Variants in PRKCI observed in about 807,000 individuals in gnomAD.
The protein encoded by PRKCI is protein kinase C iota type.
A neutral mutation model predicts 84.0 loss-of-function variants in PRKCI; 43 were observed. The observed-to-expected ratio is 0.51, with a 90% CI of 0.40 to 0.66. The LOEUF is 0.66. PRKCI is among the 30% of genes least tolerant of loss of function. The pLI is 0.00. For missense variants in PRKCI, 459 were observed against 745.6 expected, an observed-to-expected ratio of 0.62 and a Z score of 4.48; for synonymous variants, 216 against 234.4, an observed-to-expected ratio of 0.92 and a Z score of 0.72.
intron 2 of PRKCI, among the ~76,000 whole-genome samples, chr3:170,256,337 T>C (rs576558382): frequency 2.0e-5 from 3 of 152,216 alleles, no homozygotes; most frequent in Admixed American, 2.0e-4. Flanking sequence ...TATTATGGCT[T>C]CGATCTCATT....
chr3:170,293,325 TACTA>T, intron 13 of PRKCI, 54 bp from the exon 14 acceptor site: 1 of 1,494,412 alleles, frequency 6.7e-7, no homozygotes, highest in Non-Finnish European at 9.1e-7. Context: ...AATTTCCAGT[TACTA>T]ACTTTCAAGA....
intron 9 of PRKCI, 40 bp downstream of exon 9, chr3:170,280,443 A>G (rs775417114): frequency 6.6e-7 from 1 of 1,517,218 alleles, no homozygotes; most frequent in Non-Finnish European, 8.9e-7. Context: ...ACTGCTTGAG[A>G]ATACTATTCT....
intron 11 of PRKCI, among the ~76,000 whole-genome samples, chr3:170,283,029 C>T (rs574410055): frequency 6.6e-5 from 10 of 150,740 alleles, no homozygotes; most frequent in South Asian, 6.3e-4. Flanking sequence ...CGCTTGAGCC[C>T]GGGAGGCGGA....
chr3:170,229,780 TAAC>T lies in PRKCI; in HGVS notation c.102-5445_102-5443del, dbSNP rs1185413677. On this transcript the variant is annotated intron_variant, in intron 1 of 17. Transcript: ENST00000295797. ...CCCAAAAGAGCTTAATTTACATTCT[TAAC>T]AACAGGACTAGTGAAGCTTCTGCCT... 2.0e-5 allele frequency among the ~76,000 whole-genome samples: 3 copies of T among 152,228 alleles called. No individual in the cohort carries two copies. In the East Asian group the frequency reaches 5.8e-4, roughly 29 times the overall value.
intron 2 of PRKCI, among the ~76,000 whole-genome samples, chr3:170,253,268 G>C (rs1733498528): frequency 6.6e-6 from 1 of 152,138 alleles, no homozygotes; most frequent in South Asian, 2.1e-4. Flanking sequence ...TCTCTATACT[G>C]TTCTCCATAG....
rs1734911432 is a variant in PRKCI at position 170,304,633 on chromosome 3, A to G, written c.*1506A>G. On this transcript the variant is annotated 3_prime_UTR_variant, in exon 18 of 18. Coordinates refer to ENST00000295797, the MANE Select transcript of PRKCI (RefSeq NM_002740.6). ...TTATTAACTAGATAACACATGTAAT[A>G]CATAGTAGAATACATTTCAGAGGCA... 6.6e-6 allele frequency: 1 copy of G among 152,178 alleles called. No individual in the cohort carries two copies. The highest frequency in any genetic ancestry group is 1.5e-5 in the Non-Finnish European group (1 of 68,012). The allele number at this position is 152,178 out of a possible 1,614,324, so 9.4% of individuals were successfully genotyped here.
In PRKCI at chr3:170,238,784, G is replaced by A. The variant is rs1733047236; in HGVS notation, c.223+3433G>A. ...TTTTTGTATTTTTAGTAGAGACGGGGTTTCACCATGTTGGCCAGGCTGGTC... is the reference window on the plus strand; with the variant it reads ...TTTTTGTATTTTTAGTAGAGACGGGATTTCACCATGTTGGCCAGGCTGGTC... On this transcript the variant is annotated intron_variant, in intron 2 of 17. Transcript: ENST00000295797. Among the ~76,000 whole-genome samples, 4 of 152,014 alleles carry A rather than the reference G, an allele frequency of 2.6e-5. No homozygotes were observed. In the South Asian group the frequency reaches 8.3e-4, roughly 32 times the overall value.
At chr3:170,242,674 G>T (rs955582241) in intron 2 of PRKCI, among the ~76,000 whole-genome samples, 8 of 151,352 alleles carry the variant, frequency 5.3e-5, no homozygotes, top group African/African-American at 1.9e-4. Flanking sequence ...TTTTGTTTTT[G>T]TTTTGTTTTG....
intron 12 of PRKCI, among the ~76,000 whole-genome samples, chr3:170,284,929 T>G (rs1734335577): frequency 6.6e-6 from 1 of 152,304 alleles, no homozygotes; most frequent in East Asian, 1.9e-4. Context: ...ACCTTCCAAT[T>G]TTTGCCATTT....
intron 1 of PRKCI, among the ~76,000 whole-genome samples, chr3:170,233,762 C>T (rs1175069628): frequency 6.6e-6 from 1 of 152,032 alleles, no homozygotes; most frequent in Non-Finnish European, 1.5e-5. Flanking sequence ...ACTTTATCAT[C>T]CAGGCTGGAG....
In PRKCI at chr3:170,292,611, G is replaced by A. The variant is rs530099733; in HGVS notation, c.1291+670G>A. Among the ~76,000 whole-genome samples, 104 of 152,006 alleles carry A rather than the reference G, an allele frequency of 6.8e-4. 3 individuals carry two copies. In the South Asian group the frequency reaches 0.021, roughly 31 times the overall value. On this transcript the variant is annotated intron_variant, in intron 13 of 17. Coordinates refer to ENST00000295797, the MANE Select transcript of PRKCI (RefSeq NM_002740.6). ...GCAAAAGATCAAGTTTAAGACCAAG[G>A]AGGCAGGAGAATGGCGTGAACCCGG...
chr3:170,255,262 GT>G (rs1338404135), intron 2 of PRKCI, among the ~76,000 whole-genome samples: 1 of 151,848 alleles, frequency 6.6e-6, no homozygotes, highest in African/African-American at 2.4e-5. Flanking sequence ...GTTTCTCCAT[GT>G]TAGTCAGGCT....
rs1849046 is a variant in PRKCI at position 170,305,283 on chromosome 3, G to A, written c.*2156G>A. On this transcript the variant is annotated 3_prime_UTR_variant, in exon 18 of 18. Coordinates refer to ENST00000295797, the MANE Select transcript of PRKCI (RefSeq NM_002740.6). ...ACCTTAGACTTCTTTTGGGGCCTTC[G>A]ACCTCACTTTGAGAAATACCTTCTT... 4 of 152,550 alleles carry A rather than the reference G, an allele frequency of 2.6e-5. No individual in the cohort carries two copies. Among genetic ancestry groups the A allele is most frequent in the African/African-American group, 7.2e-5 (3 of 41,420 alleles). The allele number at this position is 152,550 out of a possible 1,614,324, so 9.4% of individuals were successfully genotyped here.
chr3:170,277,708 AAG>A (rs1734152383), intron 8 of PRKCI, among the ~76,000 whole-genome samples: 1 of 152,020 alleles, frequency 6.6e-6, no homozygotes, highest in Non-Finnish European at 1.5e-5. Context: ...AAAAAAAAAA[AAG>A]AAAATTACAA....
intron 11 of PRKCI, among the ~76,000 whole-genome samples, chr3:170,282,547 A>G (rs1734273349): frequency 6.6e-6 from 1 of 151,376 alleles, no homozygotes; most frequent in Non-Finnish European, 1.5e-5. Flanking sequence ...AAATACAAAA[A>G]TTTGCTGGTC....
intron 16 of PRKCI, among the ~76,000 whole-genome samples, chr3:170,298,155 G>C (rs919954758): frequency 2.8e-4 from 43 of 152,134 alleles, no homozygotes; most frequent in South Asian, 2.1e-4. Flanking sequence ...TTCCAGGGGT[G>C]AGCCACCATG....
rs1417270076 is a variant in PRKCI at position 170,305,809 on chromosome 3, C to T, written c.*2682C>T. 1 of 151,974 alleles carries T rather than the reference C, an allele frequency of 6.6e-6. No individual in the cohort carries two copies. Among genetic ancestry groups the T allele is most frequent in the Non-Finnish European group, 1.5e-5 (1 of 68,020 alleles). 9.4% of individuals were successfully genotyped at this position (151,974 alleles called of 1,614,324 possible). A position where few individuals can be genotyped will look rare whatever the true frequency, so the allele number is the denominator to read the frequency against. Reference sequence around the variant, plus strand: ...GTCAGATCATTTTGTGCATATGCAGCCTGGATTGGATGTTAAGTAAATGCT... The same window carrying T: ...GTCAGATCATTTTGTGCATATGCAGTCTGGATTGGATGTTAAGTAAATGCT... On this transcript the variant is annotated 3_prime_UTR_variant, in exon 18 of 18. Coordinates refer to ENST00000295797, the MANE Select transcript of PRKCI (RefSeq NM_002740.6).
chr3:170,267,357 T>C (rs1733884499), intron 4 of PRKCI, among the ~76,000 whole-genome samples: 1 of 151,760 alleles, frequency 6.6e-6, no homozygotes, highest in South Asian at 2.1e-4. Context: ...AAATAAAAAG[T>C]TGGAGGAAAA....
chr3:170,299,092 A>G lies in PRKCI; in HGVS notation c.1685A>G (p.Gln562Arg). ...TCTCAGTTTACTAATGAACCTGTCC[A>G]GCTCACTCCAGATGACGAGTAAGTA... ...FDSQFTNEPV[Q>R]LTPDDDDIVR... Residue 562 changes from glutamine to arginine, a missense_variant, in exon 17 of 18, where the codon CAG (glutamine) becomes CGG (arginine). Gln to Arg is a conservative substitution (Grantham distance 43). Around this residue, in one of 2 missense-constraint regions of PRKCI, gnomAD observed 209 missense variants for 425.9 expected, o/e 0.49. Coordinates refer to ENST00000295797, the MANE Select transcript of PRKCI (RefSeq NM_002740.6). 1.9e-6 allele frequency: 3 copies of G among 1,596,330 alleles called. No homozygotes were observed. Among genetic ancestry groups the G allele is most frequent in the Non-Finnish European group, 1.7e-6 (2 of 1,173,704 alleles).
Sources: allele counts gnomAD v4.1 joint callset (sites outside exome capture counted in the v4.1 genomes callset), GRCh38; gene constraint gnomAD v4.1.1; regional missense constraint gnomAD v4.1.1; transcripts MANE v1.5; gene names NCBI Gene and HGNC (gene_info 2026-07-23, HGNC 2026-07-21).